The following ADGRL2 variants were observed in gnomAD, a reference collection of about 807,000 sequenced individuals.
The protein encoded by ADGRL2 is calcium-independent alpha-latrotoxin receptor 2.
In ADGRL2, 44 loss-of-function variants were observed where a neutral mutation model predicts 157.4. That is an observed-to-expected ratio of 0.28 (90% CI 0.22 to 0.36). ADGRL2 has a LOEUF of 0.36. ADGRL2 is among the 10% of genes least tolerant of loss of function. The pLI is 1.00. For synonymous variants in ADGRL2, 585 were observed against 624.7 expected (o/e 0.94, Z 0.95); for missense variants, 1,510 against 1,768.9 (o/e 0.85, Z 2.63).
At chr1:81,748,501 A>G (rs2085383581) in intron 1 of ADGRL2, among the ~76,000 whole-genome samples, 1 of 151,136 alleles carries the variant, frequency 6.6e-6, no homozygotes, top group Non-Finnish European at 1.5e-5. Context: ...AGAAAGAAAG[A>G]AAAAAGAAAA....
intron 1 of ADGRL2, among the ~76,000 whole-genome samples, chr1:81,425,304 C>G (rs1241222214): frequency 6.6e-6 from 1 of 152,124 alleles, no homozygotes; most frequent in Non-Finnish European, 1.5e-5. Context: ...TCTAAACTCT[C>G]ATTTTCTTCA....
chr1:81,775,427 A>C (rs545147406), intron 2 of ADGRL2, among the ~76,000 whole-genome samples: 1 of 152,300 alleles, frequency 6.6e-6, no homozygotes, highest in Admixed American at 6.5e-5. Context: ...TTAGACAACA[A>C]AAAGAAAAGT....
intron 1 of ADGRL2, among the ~76,000 whole-genome samples, chr1:81,363,983 CTT>C (rs771061560): frequency 6.6e-6 from 1 of 152,086 alleles, no homozygotes; most frequent in Non-Finnish European, 1.5e-5. Context: ...CTGCAAATGA[CTT>C]TTTTGTGGGC....
chr1:81,814,947 T>G (rs1224658204), intron 1 of ADGRL2, among the ~76,000 whole-genome samples: 1 of 151,758 alleles, frequency 6.6e-6, no homozygotes, highest in African/African-American at 2.4e-5. Flanking sequence ...ATTACCTTTA[T>G]TTAAAAATAA....
At position 81,970,333 on chromosome 1, in the gene ADGRL2, C is replaced by G; in HGVS notation, c.2753C>G (p.Ala918Gly). ...CCGTAGATTGCATGCCCAATATTTGCAGGACTTCTACACTTTTTCTTTTTG... is the reference window on the plus strand; with the variant it reads ...CCGTAGATTGCATGCCCAATATTTGGAGGACTTCTACACTTTTTCTTTTTG... Reference protein sequence around the residue: ...TKYAIACPIFAGLLHFFFLAA... With the variant: ...TKYAIACPIFGGLLHFFFLAA... The change falls in exon 16 of 24, where the codon GCA (alanine) becomes GGA (glycine). Residue 918 changes from alanine to glycine, a missense_variant. Transcript: ENST00000686636. 1 of 1,608,520 alleles carries G rather than the reference C, an allele frequency of 6.2e-7. No homozygotes were observed. The highest frequency in any genetic ancestry group is 8.5e-7 in the Non-Finnish European group (1 of 1,178,144).
intron 2 of ADGRL2, among the ~76,000 whole-genome samples, chr1:81,850,027 C>CTGAG (rs3046331): frequency 0.14 from 21,432 of 151,802 alleles, 1,662 homozygotes; most frequent in South Asian, 0.2. Context: ...AGTGGACAGA[C>CTGAG]TGTTTGACTC....
At chr1:81,351,794 G>T (rs1264878428) in intron 1 of ADGRL2, among the ~76,000 whole-genome samples, 1 of 152,200 alleles carries the variant, frequency 6.6e-6, no homozygotes, top group Non-Finnish European at 1.5e-5. Context: ...TTAAGAACCT[G>T]AATGACTACA....
chr1:81,757,754 GT>G (rs2085740051), intron 1 of ADGRL2, among the ~76,000 whole-genome samples: 1 of 152,106 alleles, frequency 6.6e-6, no homozygotes, highest in Non-Finnish European at 1.5e-5. Context: ...AGCTTTTCTT[GT>G]TGCAAAACTA....
intron 2 of ADGRL2, among the ~76,000 whole-genome samples, chr1:81,775,508 A>G (rs1207558730): frequency 3.9e-5 from 6 of 152,122 alleles, no homozygotes; most frequent in South Asian, 2.1e-4. Flanking sequence ...CAAACATTAT[A>G]TAATCTGGGG....
intron 1 of ADGRL2, among the ~76,000 whole-genome samples, chr1:81,827,899 C>T (rs6665410): frequency 0.035 from 5,307 of 152,182 alleles, 277 homozygotes; most frequent in African/African-American, 0.11. Context: ...GTAAATAATG[C>T]TACTTTGTTT....
At chr1:81,803,236 TGGGGC>T (rs2088572138) in intron 1 of ADGRL2, among the ~76,000 whole-genome samples, 1 of 151,864 alleles carries the variant, frequency 6.6e-6, no homozygotes, top group Admixed American at 6.5e-5. Flanking sequence ...CTTGATTGGC[TGGGGC>T]GACCCTCAGG....
At chr1:81,737,382 G>A (rs994781098) in intron 1 of ADGRL2, among the ~76,000 whole-genome samples, 2 of 152,148 alleles carry the variant, frequency 1.3e-5, no homozygotes, top group South Asian at 2.1e-4. Flanking sequence ...AGAGAGTTAA[G>A]GGGGAAGTGC....
chr1:81,569,550 A>T (rs189435588), intron 2 of ADGRL2, among the ~76,000 whole-genome samples: 1 of 152,158 alleles, frequency 6.6e-6, no homozygotes, highest in Non-Finnish European at 1.5e-5. Context: ...GCTCACTCCT[A>T]TGATCTTAGC....
intron 2 of ADGRL2, among the ~76,000 whole-genome samples, chr1:81,541,787 TA>T (rs60783998): frequency 0.52 from 69,663 of 134,014 alleles, 17,729 homozygotes; most frequent in East Asian, 0.73. Flanking sequence ...CCGTCTCTAC[TA>T]AAAAAAAAAA....
intron 2 of ADGRL2, among the ~76,000 whole-genome samples, chr1:81,578,952 T>A (rs2080851161): frequency 6.6e-6 from 1 of 152,174 alleles, no homozygotes. Context: ...AAAAGCAATG[T>A]CCTCTCCTTC....
intron 1 of ADGRL2, among the ~76,000 whole-genome samples, chr1:81,362,990 T>C (rs1282969150): frequency 6.6e-6 from 1 of 152,060 alleles, no homozygotes; most frequent in African/African-American, 2.4e-5. Context: ...CACATGTATA[T>C]CATCATATTG....
chr1:81,551,972 T>G (rs2148391183), intron 2 of ADGRL2, among the ~76,000 whole-genome samples: 1 of 152,342 alleles, frequency 6.6e-6, no homozygotes, highest in South Asian at 2.1e-4. Context: ...ATCACTTTCC[T>G]GTTCCCTGAG....
At chr1:81,747,136 T>C (rs1571052676) in intron 1 of ADGRL2, among the ~76,000 whole-genome samples, 1 of 139,280 alleles carries the variant, frequency 7.2e-6, no homozygotes, top group African/African-American at 3.0e-5. Flanking sequence ...TATGTATATA[T>C]GTATACATAT....
chr1:81,802,462 G>C (rs2088382383), intron 1 of ADGRL2, among the ~76,000 whole-genome samples: 1 of 152,096 alleles, frequency 6.6e-6, no homozygotes, highest in Admixed American at 6.5e-5. Flanking sequence ...GTCCGGTCCA[G>C]CCGGCTTCTC....
Sources: gnomAD v4.1 joint callset for allele counts (sites outside exome capture counted in the v4.1 genomes callset) on GRCh38, gnomAD v4.1.1 for gene constraint, MANE v1.5 for transcripts, NCBI Gene and HGNC (gene_info 2026-07-23, HGNC 2026-07-21) for gene names.